SUGCT: variants seen among roughly 807,000 people sequenced by gnomAD.
SUGCT encodes succinyl-CoA:glutarate-CoA transferase.
In SUGCT, 41 loss-of-function variants were observed where a neutral mutation model predicts 55.0. That is an observed-to-expected ratio of 0.74 (90% CI 0.58 to 0.97). SUGCT has a LOEUF of 0.97. Ranked by LOEUF, SUGCT falls within the 50% of genes least tolerant of loss-of-function variation. The pLI is 0.00. For synonymous variants in SUGCT, 187 were observed against 200.4 expected (o/e 0.93, Z 0.56); for missense variants, 568 against 547.8 (o/e 1.04, Z -0.37).
At position 40,316,795 on chromosome 7, in the gene SUGCT, T is replaced by G; in HGVS notation, c.756T>G (p.Leu252=). Residue 252 remains leucine, a synonymous_variant, in exon 9 of 14, where the codon CTT becomes CTG. Transcript: ENST00000335693. ...TGTCTCACATAGCTGCAAATTATCT[T>G]ATTGGTCAAAAGGAAGCAAAACGTT... ...ACLSHIAANY[L]IGQKEAKRWG... The G allele has an allele frequency of 6.2e-7, 1 of 1,603,100 alleles. No individual in the cohort carries two copies. Among genetic ancestry groups the G allele is most frequent in the Non-Finnish European group, 8.5e-7 (1 of 1,174,194 alleles).
chr7:40,251,053 A>G (rs1790357056), intron 7 of SUGCT, among the ~76,000 whole-genome samples: 1 of 151,680 alleles, frequency 6.6e-6, no homozygotes, highest in Non-Finnish European at 1.5e-5. Context: ...CTGGTCTCGA[A>G]CCCCTGACCT....
At position 40,458,561 on chromosome 7, in the gene SUGCT, T is replaced by C. The variant is rs547280025; in HGVS notation, c.889-540T>C. Among the ~76,000 whole-genome samples the C allele has an allele frequency of 3.0e-4, 45 of 152,324 alleles. No homozygotes were observed. The South Asian group carries it at 6.8e-3, about 23-fold the overall frequency. On this transcript the variant is annotated intron_variant, in intron 10 of 13. Coordinates refer to ENST00000335693, the MANE Select transcript of SUGCT (RefSeq NM_001193313.2). ...TGAGAATTTGGGTAAATGTATTTGC[T>C]TTTACTTTATTTTAGCAGCTTTTAG... is the stretch of plus-strand genomic sequence containing the variant.
intron 3 of SUGCT, among the ~76,000 whole-genome samples, chr7:40,185,727 T>C (rs1463812571): frequency 6.6e-6 from 1 of 152,166 alleles, no homozygotes; most frequent in Non-Finnish European, 1.5e-5. Flanking sequence ...TTCACCATGT[T>C]GACCAGGCTG....
At chr7:40,898,207 G>T in the SUGCT span, among the ~76,000 whole-genome samples, 9 of 152,076 alleles carry the variant, frequency 5.9e-5, no homozygotes, top group Non-Finnish European at 1.0e-4. Flanking sequence ...CCACTTTTAT[G>T]AACTATAACA....
At chr7:40,932,558 T>TAAG in the SUGCT span, among the ~76,000 whole-genome samples, 212 of 137,374 alleles carry the variant, frequency 1.5e-3, 1 homozygote, top group African/African-American at 5.0e-3. Flanking sequence ...TGTGGGAGTC[T>TAAG]AAGTCTCTTT....
rs532835173 is a variant in SUGCT, at chr7:40,247,499, C to T, written c.576+9773C>T. On this transcript the variant is annotated intron_variant, in intron 7 of 13. Coordinates refer to ENST00000335693, the MANE Select transcript of SUGCT (RefSeq NM_001193313.2). ...TTTTGAACTCCTAACCTCAATTGAT[C>T]CACCCGCCTGGACCTCCCGAAGTCC... Among the ~76,000 whole-genome samples the T allele has an allele frequency of 5.3e-5, 8 of 152,194 alleles. No individual in the cohort carries two copies. In the East Asian group the frequency reaches 1.5e-3, roughly 29 times the overall value.
intron 7 of SUGCT, among the ~76,000 whole-genome samples, chr7:40,251,407 C>T (rs751948782): frequency 1.2e-4 from 18 of 152,104 alleles, no homozygotes; most frequent in Admixed American, 4.6e-4. Flanking sequence ...AACAATAATT[C>T]CCCCAATTTG....
chr7:40,775,258 A>G (rs953642276), intron 13 of SUGCT, among the ~76,000 whole-genome samples: 1 of 152,246 alleles, frequency 6.6e-6, no homozygotes, highest in Non-Finnish European at 1.5e-5. Flanking sequence ...GCTGTGCCCA[A>G]AATGAGTGTG....
At chr7:40,990,969 A>G in the SUGCT span, among the ~76,000 whole-genome samples, 1 of 152,214 alleles carries the variant, frequency 6.6e-6, no homozygotes, top group Non-Finnish European at 1.5e-5. Context: ...TACTTTCTCC[A>G]TATCAGCAAT....
chr7:40,589,267 A>G (rs1188247413), intron 12 of SUGCT, among the ~76,000 whole-genome samples: 1 of 152,008 alleles, frequency 6.6e-6, no homozygotes, highest in African/African-American at 2.4e-5. Context: ...ATCTTTATCT[A>G]TTTTCTGCTA....
At chr7:40,548,565 C>T (rs940387405) in intron 12 of SUGCT, among the ~76,000 whole-genome samples, 2 of 152,044 alleles carry the variant, frequency 1.3e-5, no homozygotes, top group Non-Finnish European at 2.9e-5. Flanking sequence ...GCAGCAGATA[C>T]AGAATTTCTC....
chr7:40,616,665 C>T (rs566654493), intron 12 of SUGCT, among the ~76,000 whole-genome samples: 8 of 152,210 alleles, frequency 5.3e-5, no homozygotes, highest in South Asian at 2.1e-4. Context: ...GACCATGGAA[C>T]GAGTGAAACA....
At chr7:40,390,080 A>T (rs916461881) in intron 9 of SUGCT, among the ~76,000 whole-genome samples, 4 of 152,244 alleles carry the variant, frequency 2.6e-5, no homozygotes, top group African/African-American at 9.6e-5. Flanking sequence ...GACAAAATTC[A>T]ACAGCCCTTC....
chr7:40,635,454 A>G (rs546133589), intron 12 of SUGCT, among the ~76,000 whole-genome samples: 4 of 152,352 alleles, frequency 2.6e-5, no homozygotes, highest in Admixed American at 2.0e-4. Flanking sequence ...AGAAAAGACA[A>G]TATACAACAG....
chr7:40,874,069 A>G, the SUGCT span, among the ~76,000 whole-genome samples: 10 of 152,258 alleles, frequency 6.6e-5, no homozygotes, highest in African/African-American at 2.4e-4. Flanking sequence ...ATCTTAAGTA[A>G]ACAAATTTAG....
intron 12 of SUGCT, among the ~76,000 whole-genome samples, chr7:40,724,171 G>A (rs571200700): frequency 5.7e-4 from 87 of 152,208 alleles, no homozygotes; most frequent in African/African-American, 1.8e-3. Flanking sequence ...TCCCTTAATC[G>A]GAGAAAATAA....
intron 7 of SUGCT, among the ~76,000 whole-genome samples, chr7:40,255,425 G>T (rs907282013): frequency 6.6e-6 from 1 of 151,486 alleles, no homozygotes; most frequent in African/African-American, 2.4e-5. Context: ...ACCTTGGGAG[G>T]CCGGGGCCGG....
At chr7:40,239,869 T>C (rs1789261109) in intron 7 of SUGCT, among the ~76,000 whole-genome samples, 1 of 152,190 alleles carries the variant, frequency 6.6e-6, no homozygotes, top group Non-Finnish European at 1.5e-5. Flanking sequence ...CATGGACACA[T>C]CTTTCATTCC....
chr7:40,466,944 C>T (rs1790143917), intron 11 of SUGCT, among the ~76,000 whole-genome samples: 1 of 152,176 alleles, frequency 6.6e-6, no homozygotes, highest in Non-Finnish European at 1.5e-5. Flanking sequence ...TGGCTTACGC[C>T]TGTAATCCCA....
Sources: allele counts gnomAD v4.1 joint callset (sites outside exome capture counted in the v4.1 genomes callset), GRCh38; gene constraint gnomAD v4.1.1; transcripts MANE v1.5; gene names NCBI Gene and HGNC (gene_info 2026-07-23, HGNC 2026-07-21).